PCDH11X: variants seen among roughly 807,000 people sequenced by gnomAD.
The protein encoded by PCDH11X is protocadherin 11 X-linked.
A neutral mutation model predicts 53.3 loss-of-function variants in PCDH11X; 18 were observed. The observed-to-expected ratio is 0.34, with a 90% CI of 0.23 to 0.50. The LOEUF is 0.50. Ranked by LOEUF, PCDH11X falls within the 20% of genes least tolerant of loss-of-function variation. PCDH11X has a pLI of 0.98. For missense variants in PCDH11X, 570 were observed against 1,032.4 expected (o/e 0.55, Z 6.14); for synonymous variants, 279 against 393.3 (o/e 0.71, Z 3.44).
chrX:91,879,567 A>G (rs2147736801), intron 6 of PCDH11X: 1 of 1,053,702 alleles, frequency 9.5e-7, no homozygotes, highest in African/African-American at 1.9e-5. Context: ...ACTTCAACAC[A>G]AAGGGTTGTA....
chrX:92,566,190 A>C, intron 10 of PCDH11X, among the ~76,000 whole-genome samples: 1 of 109,583 alleles, frequency 9.1e-6, no homozygotes, highest in Non-Finnish European at 1.9e-5. Flanking sequence ...GAATCCACCA[A>C]GTCATATCAA....
intron 10 of PCDH11X, among the ~76,000 whole-genome samples, chrX:92,593,017 A>G (rs970621939): frequency 3.6e-5 from 4 of 110,872 alleles, no homozygotes; most frequent in Non-Finnish European, 7.5e-5. Context: ...AAGCGCTTAG[A>G]TCAAATTTCA....
At chrX:92,367,909 T>G (rs938307608) in intron 8 of PCDH11X, among the ~76,000 whole-genome samples, 3 of 108,066 alleles carry the variant, frequency 2.8e-5, no homozygotes, top group African/African-American at 1.0e-4. Flanking sequence ...TACCTTTCTC[T>G]CTGGTTGCTC....
intron 8 of PCDH11X, among the ~76,000 whole-genome samples, chrX:92,376,232 T>A (rs2070750959): frequency 8.9e-6 from 1 of 112,046 alleles, no homozygotes; most frequent in African/African-American, 3.2e-5. Flanking sequence ...GGTGAGCAAC[T>A]GTCTTTAATT....
chrX:92,314,674 G>A (rs1489171926), intron 8 of PCDH11X, among the ~76,000 whole-genome samples: 3 of 110,509 alleles, frequency 2.7e-5, no homozygotes, highest in Non-Finnish European at 5.7e-5. Flanking sequence ...TCACTAGGCA[G>A]TAAGAATTTT....
intron 6 of PCDH11X, among the ~76,000 whole-genome samples, chrX:92,115,723 G>T (rs2064624865): frequency 9.0e-6 from 1 of 110,851 alleles, no homozygotes; most frequent in Non-Finnish European, 1.9e-5. Context: ...GATGTTCGAG[G>T]ACAGGGAGCA....
chrX:91,858,870 C>T lies in PCDH11X; in HGVS notation c.541-17911C>T, dbSNP rs1318460658. 5.4e-5 allele frequency among the ~76,000 whole-genome samples: 6 copies of T among 111,659 alleles called. No individual in the cohort carries two copies. In the East Asian group the frequency reaches 1.4e-3, roughly 26 times the overall value. ...GAAGTTCCAAACTTTCCCACATCTT[C>T]TTGTTTATTTAGGATCCCTCTAAAC... On this transcript the variant is annotated intron_variant, in intron 5 of 10. Transcript: ENST00000682573.
chrX:92,150,204 T>C (rs2065409100), intron 6 of PCDH11X, among the ~76,000 whole-genome samples: 1 of 112,085 alleles, frequency 8.9e-6, no homozygotes, highest in South Asian at 3.6e-4. Context: ...TATGAAATTT[T>C]GCATTCTCAC....
At chrX:92,485,940 C>T (rs2073632312) in intron 10 of PCDH11X, among the ~76,000 whole-genome samples, 1 of 110,514 alleles carries the variant, frequency 9.0e-6, no homozygotes. Flanking sequence ...GACTGCCTTT[C>T]CTTGTATTAT....
At chrX:91,964,990 G>A (rs1029364276) in intron 6 of PCDH11X, among the ~76,000 whole-genome samples, 3 of 111,219 alleles carry the variant, frequency 2.7e-5, no homozygotes, top group African/African-American at 1.0e-4. Context: ...CTGTTTTTGA[G>A]TATCAGTGAC....
Position 92,301,680 on chromosome X carries a change from TG to T in PCDH11X, c.3144+38538del, listed in dbSNP as rs772423179. Among the ~76,000 whole-genome samples the T allele has an allele frequency of 5.6e-4, 62 of 110,401 alleles. 1 individual carries two copies. The Admixed American group carries it at 5.7e-3, about 10-fold the overall frequency. The stretch of plus-strand genomic sequence containing the variant: ...TGTTTTGTTTTGTTTTGTTTTGTTT[TG>T]TTTTGAGAATCTGTGTGTTTACATT... On this transcript the variant is annotated intron_variant, in intron 8 of 10. Coordinates refer to ENST00000682573, the MANE Select transcript of PCDH11X (RefSeq NM_032968.5).
At chrX:92,148,521 C>T (rs1276853348) in intron 6 of PCDH11X, among the ~76,000 whole-genome samples, 4 of 107,636 alleles carry the variant, frequency 3.7e-5, no homozygotes, top group Non-Finnish European at 7.7e-5. Flanking sequence ...GCCACTGCGT[C>T]GGCCTGAATT....
At chrX:92,436,085 G>C (rs1206174858) in intron 9 of PCDH11X, among the ~76,000 whole-genome samples, 13 of 109,767 alleles carry the variant, frequency 1.2e-4, no homozygotes, top group African/African-American at 4.0e-4. Flanking sequence ...TCAACAAAGG[G>C]CTAATATCCA....
chrX:92,197,211 T>TA (rs2066306459), intron 6 of PCDH11X, among the ~76,000 whole-genome samples: 1 of 111,353 alleles, frequency 9.0e-6, no homozygotes, highest in Admixed American at 9.7e-5. Flanking sequence ...TCCTTAAATA[T>TA]TGCATATAGA....
chrX:91,986,168 T>C (rs2062224738), intron 6 of PCDH11X, among the ~76,000 whole-genome samples: 1 of 104,807 alleles, frequency 9.5e-6, no homozygotes, highest in Non-Finnish European at 2.0e-5. Flanking sequence ...AAGGAAGAAA[T>C]AGAACAACTC....
chrX:92,425,132 A>G (rs1165152010), intron 9 of PCDH11X, among the ~76,000 whole-genome samples: 2 of 103,784 alleles, frequency 1.9e-5, no homozygotes, highest in Non-Finnish European at 3.9e-5. Flanking sequence ...AGAGTCTGAG[A>G]TCACTCTTAT....
intron 7 of PCDH11X, among the ~76,000 whole-genome samples, chrX:92,247,993 G>T (rs980897737): frequency 1.8e-5 from 2 of 109,786 alleles, no homozygotes; most frequent in African/African-American, 6.8e-5. Context: ...GGAAAAAAAT[G>T]AGTGGCTTTG....
chrX:92,227,386 C>A (rs745401761), intron 7 of PCDH11X, among the ~76,000 whole-genome samples: 2 of 111,191 alleles, frequency 1.8e-5, no homozygotes, highest in Admixed American at 1.9e-4. Context: ...ACCCAAATTT[C>A]TTTTCATTTT....
intron 10 of PCDH11X, among the ~76,000 whole-genome samples, chrX:92,568,353 C>T (rs549821644): frequency 4.6e-5 from 5 of 108,372 alleles, no homozygotes; most frequent in South Asian, 8.2e-4. Flanking sequence ...ACGTGGGAGG[C>T]GGAGCTTGCA....
Sources: gnomAD v4.1 joint callset for allele counts (sites outside exome capture counted in the v4.1 genomes callset) on GRCh38, gnomAD v4.1.1 for gene constraint, MANE v1.5 for transcripts, NCBI Gene and HGNC (gene_info 2026-07-23, HGNC 2026-07-21) for gene names.